Variants in ABHD17B observed in about 807,000 individuals in gnomAD.
ABHD17B encodes abhydrolase domain containing 17B, depalmitoylase.
ABHD17B carries 9 observed loss-of-function variants against 26.2 expected under a neutral mutation model. The observed-to-expected ratio is 0.34, with a 90% confidence interval of 0.21 to 0.60. The LOEUF (loss-of-function observed/expected upper bound fraction) is 0.60. Ranked by LOEUF, ABHD17B falls within the 20% of genes least tolerant of loss-of-function variation. The pLI is 0.80. For missense variants in ABHD17B, 224 were observed against 352.1 expected (o/e 0.64, Z 2.91); for synonymous variants, 127 against 122.3 (o/e 1.04, Z -0.25).
At position 71,875,386 on chromosome 9, in the gene ABHD17B, C is replaced by G. The variant is rs111782378; in HGVS notation, c.-3-303G>C. Among the ~76,000 whole-genome samples, 199 of 152,174 alleles carry G rather than the reference C, an allele frequency of 1.3e-3. 2 individuals carry two copies. The highest frequency in any genetic ancestry group is 4.3e-3 in the South Asian group (21 of 4,830). On this transcript the variant is annotated intron_variant, in intron 1 of 3. Transcript: ENST00000333421. ...GATTACAGGCATGCGCCACCACACCCGGTTAATTTTGTATTTTTAGTAGAG... is the reference window on the plus strand; with the variant it reads ...GATTACAGGCATGCGCCACCACACCGGGTTAATTTTGTATTTTTAGTAGAG...
chr9:71,886,267 G>A (rs557848134), intron 1 of ABHD17B, among the ~76,000 whole-genome samples: 1 of 152,058 alleles, frequency 6.6e-6, no homozygotes, highest in Non-Finnish European at 1.5e-5. Context: ...CACCTTGAAA[G>A]AAGATGAAGC....
intron 1 of ABHD17B, among the ~76,000 whole-genome samples, chr9:71,892,783 G>GT (rs1471555112): frequency 3.5e-4 from 6 of 17,040 alleles, no homozygotes; most frequent in South Asian, 9.6e-3. Context: ...AAATAATGTT[G>GT]TGTTTTTTAA....
chr9:71,881,422 G>C (rs979797405), intron 1 of ABHD17B, among the ~76,000 whole-genome samples: 1 of 151,964 alleles, frequency 6.6e-6, no homozygotes, highest in African/African-American at 2.4e-5. Context: ...TGTGACCTTG[G>C]GTTATAAAAT....
intron 1 of ABHD17B, among the ~76,000 whole-genome samples, chr9:71,886,450 C>T (rs919039551): frequency 1.3e-5 from 2 of 150,746 alleles, no homozygotes; most frequent in African/African-American, 4.9e-5. Flanking sequence ...TCCACTAACT[C>T]ACTAACTACA....
intron 1 of ABHD17B, among the ~76,000 whole-genome samples, chr9:71,887,625 A>G (rs1826649437): frequency 6.6e-6 from 1 of 152,250 alleles, no homozygotes; most frequent in East Asian, 1.9e-4. Flanking sequence ...CTTTCACTAC[A>G]GAAAGCCCTA....
chr9:71,899,184 C>A (rs1052456378), intron 1 of ABHD17B, among the ~76,000 whole-genome samples: 5 of 149,738 alleles, frequency 3.3e-5, no homozygotes, highest in African/African-American at 1.2e-4. Flanking sequence ...TTTGTTTTTT[C>A]TTTCAAAGAA....
Position 71,866,701 on chromosome 9 carries a change from AAAC to A in ABHD17B, c.*83_*85del. 6.5e-7 allele frequency: 1 copy of A among 1,537,134 alleles called. No individual in the cohort carries two copies. Among genetic ancestry groups the A allele is most frequent in the Non-Finnish European group, 8.7e-7 (1 of 1,142,880 alleles). ...TATGAAGGCAACTGACATGATTTGCAAACAAAACCTTCAGGTTTTATGTTATTT... is the reference window on the plus strand; with the variant it reads ...TATGAAGGCAACTGACATGATTTGCAAAAACCTTCAGGTTTTATGTTATTT... On this transcript the variant is annotated 3_prime_UTR_variant, in exon 4 of 4. Transcript: ENST00000333421.
At chr9:71,868,914 C>T (rs565670600) in intron 3 of ABHD17B, among the ~76,000 whole-genome samples, 1 of 152,282 alleles carries the variant, frequency 6.6e-6, no homozygotes, top group Non-Finnish European at 1.5e-5. Context: ...GTCTCGAACT[C>T]TTGGCCTCAA....
intron 1 of ABHD17B, among the ~76,000 whole-genome samples, chr9:71,886,564 G>A (rs375950687): frequency 3.3e-5 from 5 of 152,216 alleles, no homozygotes; most frequent in South Asian, 2.1e-4. Context: ...CTGTTGCCCC[G>A]GCTGGAGTGC....
intron 1 of ABHD17B, among the ~76,000 whole-genome samples, chr9:71,900,752 TC>T (rs935713238): frequency 6.6e-6 from 1 of 151,306 alleles, no homozygotes; most frequent in Non-Finnish European, 1.5e-5. Flanking sequence ...CTTGATACTA[TC>T]CCCCCCTCAT....
In ABHD17B at chr9:71,882,230, G is replaced by A. The variant is rs543381227; in HGVS notation, c.-3-7147C>T. Among the ~76,000 whole-genome samples, 14 of 152,326 alleles carry A rather than the reference G, an allele frequency of 9.2e-5. 1 individual carries two copies. The South Asian group carries it at 2.5e-3, about 27-fold the overall frequency. ...TCAAAAACTTAAAGAGTTGCCATTT[G>A]ACAAAGCAATTCTACTCTCAAGAGA... On this transcript the variant is annotated intron_variant, in intron 1 of 3. Transcript: ENST00000333421.
intron 1 of ABHD17B, among the ~76,000 whole-genome samples, chr9:71,890,213 C>T (rs1027221760): frequency 6.6e-6 from 1 of 152,012 alleles, no homozygotes; most frequent in Non-Finnish European, 1.5e-5. Flanking sequence ...TAGCTTGAGC[C>T]CAGGAGACAG....
intron 1 of ABHD17B, among the ~76,000 whole-genome samples, chr9:71,901,838 C>T (rs1417668628): frequency 6.6e-6 from 1 of 151,968 alleles, no homozygotes; most frequent in Non-Finnish European, 1.5e-5. Flanking sequence ...ATTTCATACC[C>T]CCCTAATCCA....
downstream of ABHD17B, among the ~76,000 whole-genome samples, chr9:71,863,503 T>G (rs1423074681): frequency 6.6e-6 from 1 of 152,144 alleles, no homozygotes; most frequent in East Asian, 1.9e-4. Flanking sequence ...CAGGAGTAAG[T>G]AGGGGAAATC....
chr9:71,864,897 T>G (rs1309028150), downstream of ABHD17B, among the ~76,000 whole-genome samples: 1 of 152,146 alleles, frequency 6.6e-6, no homozygotes, highest in Non-Finnish European at 1.5e-5. Flanking sequence ...GAACGAACAC[T>G]GAATGAATAG....
intron 1 of ABHD17B, among the ~76,000 whole-genome samples, chr9:71,900,009 T>C (rs1478058355): frequency 1.3e-5 from 2 of 152,254 alleles, no homozygotes; most frequent in East Asian, 3.8e-4. Flanking sequence ...GAAATTTTCA[T>C]TGACTTTAAT....
intron 2 of ABHD17B, among the ~76,000 whole-genome samples, chr9:71,873,455 T>C (rs1288403044): frequency 6.6e-6 from 1 of 152,182 alleles, no homozygotes; most frequent in African/African-American, 2.4e-5. Flanking sequence ...TTGAGTGCAG[T>C]GGTGTGATCT....
At chr9:71,885,776 C>T (rs1176224376) in intron 1 of ABHD17B, among the ~76,000 whole-genome samples, 1 of 152,122 alleles carries the variant, frequency 6.6e-6, no homozygotes, top group Admixed American at 6.5e-5. Context: ...GACATGACTC[C>T]TGTCAATTTT....
At chr9:71,883,542 G>A (rs1213430268) in intron 1 of ABHD17B, among the ~76,000 whole-genome samples, 1 of 152,152 alleles carries the variant, frequency 6.6e-6, no homozygotes, top group East Asian at 1.9e-4. Flanking sequence ...GCAAATTCCA[G>A]GCAGATCACA....
Sources: allele counts gnomAD v4.1 joint callset (sites outside exome capture counted in the v4.1 genomes callset), GRCh38; gene constraint gnomAD v4.1.1; transcripts MANE v1.5; gene names NCBI Gene and HGNC (gene_info 2026-07-23, HGNC 2026-07-21).